Variants in KCTD3 observed in about 807,000 individuals in gnomAD.
KCTD3 encodes the protein BTB/POZ domain-containing protein KCTD3.
KCTD3 carries 41 observed loss-of-function variants against 85.8 expected under a neutral mutation model. The observed-to-expected ratio is 0.48, with a 90% CI of 0.37 to 0.62. The LOEUF (loss-of-function observed/expected upper bound fraction) is 0.62, where lower values mean the gene tolerates loss of function less well. KCTD3 is among the 20% of genes least tolerant of loss of function. The probability of loss-of-function intolerance (pLI) is 0.00; values close to 1 mark genes in which losing one functional copy is unlikely to be tolerated. For synonymous variants in KCTD3, 338 were observed against 345.4 expected (o/e 0.98, Z 0.24); for missense variants, 724 against 989.9 (o/e 0.73, Z 3.60).
chr1:215,567,820 C>T (rs1474829773), intron 1 of KCTD3, 52 bp downstream of exon 1: 22 of 1,146,014 alleles, frequency 1.9e-5, no homozygotes, highest in Non-Finnish European at 2.4e-5. Context: ...CGGCCTCCTC[C>T]TTTGGTGTCG....
intron 10 of KCTD3, among the ~76,000 whole-genome samples, chr1:215,601,644 A>T (rs559553972): frequency 1.3e-5 from 2 of 152,146 alleles, no homozygotes; most frequent in South Asian, 2.1e-4. Flanking sequence ...AATACAATTT[A>T]AAAAAAATAT....
intron 8 of KCTD3, among the ~76,000 whole-genome samples, chr1:215,580,397 A>T (rs1659772918): frequency 6.6e-6 from 1 of 152,202 alleles, no homozygotes; most frequent in Non-Finnish European, 1.5e-5. Flanking sequence ...GGGAGAGTAC[A>T]TTGGTCATAA....
intron 14 of KCTD3, among the ~76,000 whole-genome samples, chr1:215,609,663 T>A (rs984810060): frequency 2.0e-5 from 3 of 151,864 alleles, no homozygotes; most frequent in African/African-American, 7.2e-5. Flanking sequence ...ATTGACTAGA[T>A]GTGGCAGGCA....
intron 15 of KCTD3, among the ~76,000 whole-genome samples, chr1:215,617,246 A>T (rs778848862): frequency 5.9e-5 from 9 of 152,186 alleles, no homozygotes; most frequent in Admixed American, 2.0e-4. Flanking sequence ...GAATTCTGTG[A>T]GCCACTCTAG....
intron 14 of KCTD3, among the ~76,000 whole-genome samples, chr1:215,609,164 G>A (rs1326978519): frequency 1.3e-5 from 2 of 151,912 alleles, no homozygotes; most frequent in African/African-American, 2.4e-5. Flanking sequence ...AATTTAGGAG[G>A]TAGATACCCC....
chr1:215,607,726 G>A (rs928173928), intron 13 of KCTD3, among the ~76,000 whole-genome samples: 2 of 151,888 alleles, frequency 1.3e-5, no homozygotes, highest in African/African-American at 4.8e-5. Flanking sequence ...ATAATATTCA[G>A]CATCTTTTTT....
At chr1:215,603,020 A>G (rs1654893217) in intron 12 of KCTD3, among the ~76,000 whole-genome samples, 1 of 152,202 alleles carries the variant, frequency 6.6e-6, no homozygotes, top group African/African-American at 2.4e-5. Context: ...CTGTCTTTGG[A>G]TGTTTTTATG....
At chr1:215,603,104 C>T (rs758385541) in intron 12 of KCTD3, among the ~76,000 whole-genome samples, 3 of 151,740 alleles carry the variant, frequency 2.0e-5, no homozygotes, top group Non-Finnish European at 4.4e-5. Flanking sequence ...ACTACTTGGC[C>T]CCTTACGGAA....
At chr1:215,589,920 C>T (rs970773212) in intron 9 of KCTD3, among the ~76,000 whole-genome samples, 1 of 152,112 alleles carries the variant, frequency 6.6e-6, no homozygotes, top group Non-Finnish European at 1.5e-5. Context: ...AGAAGTCTTT[C>T]TGTGGACATT....
At chr1:215,568,880 TACA>T (rs1418938477) in intron 1 of KCTD3, among the ~76,000 whole-genome samples, 2 of 152,284 alleles carry the variant, frequency 1.3e-5, no homozygotes, top group East Asian at 3.9e-4. Flanking sequence ...TTAGATAATT[TACA>T]ACGTTATTGC....
intron 9 of KCTD3, among the ~76,000 whole-genome samples, chr1:215,590,085 T>C (rs1041497736): frequency 6.6e-6 from 1 of 152,202 alleles, no homozygotes; most frequent in Admixed American, 6.5e-5. Context: ...CACATCCTAA[T>C]CAACACTTTG....
At chr1:215,567,883 A>AG (rs1437657862) in intron 1 of KCTD3, 115 bp downstream of exon 1, 17 of 685,618 alleles carry the variant, frequency 2.5e-5, no homozygotes, top group Admixed American at 2.2e-4. Flanking sequence ...CCAAGCCTGG[A>AG]GGGGAACGTG....
In KCTD3 at chr1:215,576,770, G is replaced by A. The variant is rs377409545; in HGVS notation, c.257+796G>A. On this transcript the variant is annotated intron_variant, in intron 4 of 17. Transcript: ENST00000259154. ...TTTTTAGTAGAGATGGGGTTTCACC[G>A]TTTTAGTCATGATGGTCTCCATCTC... is the stretch of plus-strand genomic sequence containing the variant. Among the ~76,000 whole-genome samples, 43 of 151,936 alleles carry A rather than the reference G, an allele frequency of 2.8e-4. No homozygotes were observed. The East Asian group carries it at 3.7e-3, about 13-fold the overall frequency.
At chr1:215,572,737 T>G (rs1288756752) in intron 1 of KCTD3, among the ~76,000 whole-genome samples, 1 of 152,234 alleles carries the variant, frequency 6.6e-6, no homozygotes, top group East Asian at 1.9e-4. Context: ...CCATTTTGGC[T>G]GGGGTTTGGC....
intron 8 of KCTD3, among the ~76,000 whole-genome samples, chr1:215,580,232 G>A (rs1466175000): frequency 6.6e-6 from 1 of 152,136 alleles, no homozygotes; most frequent in African/African-American, 2.4e-5. Flanking sequence ...GCAGACAAGT[G>A]TGAATTGTCA....
In KCTD3 at chr1:215,567,552, C is replaced by G. The variant is rs973157424; in HGVS notation, c.-134C>G. ...GCCGCCGGGAAGGTGGGGGAAGCCC[C>G]GTGCACCCCCCGCCCTCCGGCCGCC... On this transcript the variant is annotated 5_prime_UTR_variant, in exon 1 of 18. Transcript: ENST00000259154. 8.2e-6 allele frequency: 3 copies of G among 364,182 alleles called. No individual in the cohort carries two copies. Among genetic ancestry groups the G allele is most frequent in the Non-Finnish European group, 4.6e-6 (1 of 218,554 alleles). The allele number at this position is 364,182 out of a possible 1,614,324, so 22.6% of individuals were successfully genotyped here.
chr1:215,604,157 C>T lies in KCTD3; in HGVS notation c.1164C>T (p.Ile388=), dbSNP rs141373907. The T allele has an allele frequency of 7.4e-5, 119 of 1,612,668 alleles. No individual in the cohort carries two copies. Among genetic ancestry groups the T allele is most frequent in the Non-Finnish European group, 9.8e-5 (115 of 1,179,450 alleles). Residue 388 remains isoleucine (I), a synonymous_variant, in exon 13 of 18, where the codon ATC becomes ATT. Transcript: ENST00000259154. ...KTSVSGNWIE[I]AYGTSSGAVR... is the part of the protein sequence containing the mutation. ...GTGTCAGTGGTAACTGGATCGAGAT[C>T]GCCTATGGTACGAGCTCTGGAGCAG...
chr1:215,604,282 C>A lies in KCTD3; in HGVS notation c.1289C>A (p.Ser430Ter). ...AGTCCCGTAACAAAAATCATGCTAT[C>A]AGAGAAGCATCTTGTATCAGGTAAA... ...HRSPVTKIML[S>*]EKHLVSVCAD... The change falls in exon 13 of 18, where the codon TCA becomes TAA. Residue 430 changes from serine to a stop codon, truncating the protein, a stop_gained. Transcript: ENST00000259154. LOFTEE classifies it high-confidence loss of function. The A allele has an allele frequency of 6.2e-7, 1 of 1,613,592 alleles. No individual in the cohort carries two copies. The highest frequency in any genetic ancestry group is 8.5e-7 in the Non-Finnish European group (1 of 1,179,644).
At chr1:215,583,479 G>A (rs183659531) in intron 8 of KCTD3, among the ~76,000 whole-genome samples, 1 of 152,306 alleles carries the variant, frequency 6.6e-6, no homozygotes, top group African/African-American at 2.4e-5. Flanking sequence ...CTTGGTTTCA[G>A]TTTTGGCTGG....
Sources: allele counts gnomAD v4.1 joint callset (sites outside exome capture counted in the v4.1 genomes callset), GRCh38; gene constraint gnomAD v4.1.1; transcripts MANE v1.5; gene names NCBI Gene and HGNC (gene_info 2026-07-23, HGNC 2026-07-21).